XKR4: variants seen among roughly 807,000 people sequenced by gnomAD.
The protein encoded by XKR4 is XK related 4.
XKR4 carries 12 observed loss-of-function variants against 53.9 expected under a neutral mutation model. The ratio of observed to expected loss-of-function variants is 0.22; its 90% CI spans 0.14 to 0.36. XKR4 has a LOEUF of 0.36. Ranked by LOEUF, XKR4 falls within the 10% of genes least tolerant of loss-of-function variation. XKR4 has a pLI of 1.00. For synonymous variants in XKR4, 354 were observed against 362.4 expected (o/e 0.98, Z 0.26); for missense variants, 799 against 859.5 (o/e 0.93, Z 0.88).
intron 1 of XKR4, among the ~76,000 whole-genome samples, chr8:55,203,014 T>G (rs1817596428): frequency 1.3e-5 from 2 of 152,184 alleles, no homozygotes; most frequent in Non-Finnish European, 2.9e-5. Context: ...AGGAGACTGC[T>G]TCACTGAGTG....
chr8:55,220,229 G>A (rs551577400), intron 1 of XKR4, among the ~76,000 whole-genome samples: 1 of 151,982 alleles, frequency 6.6e-6, no homozygotes, highest in Non-Finnish European at 1.5e-5. Flanking sequence ...TTTTTTAAAT[G>A]TATGATAGCA....
chr8:55,456,114 A>G (rs1805565809), intron 2 of XKR4, among the ~76,000 whole-genome samples: 1 of 152,146 alleles, frequency 6.6e-6, no homozygotes, highest in African/African-American at 2.4e-5. Flanking sequence ...CATACTCAGG[A>G]AAAAAAGGAA....
At chr8:55,338,275 A>G (rs1208208713) in intron 1 of XKR4, among the ~76,000 whole-genome samples, 1 of 152,224 alleles carries the variant, frequency 6.6e-6, no homozygotes. Context: ...TGAGAAAAAT[A>G]AAGTTATTGA....
chr8:55,102,933 C>T lies in XKR4; in HGVS notation c.445C>T (p.Leu149Phe). The T allele has an allele frequency of 6.2e-7, 1 of 1,611,746 alleles. No individual in the cohort carries two copies. The change falls in exon 1 of 3, where the codon CTC (leucine) becomes TTC (phenylalanine). Residue 149 changes from leucine to phenylalanine, a missense_variant. Leu to Phe is a conservative substitution (Grantham distance 22, BLOSUM62 0). Coordinates refer to ENST00000327381, the MANE Select transcript of XKR4 (RefSeq NM_052898.2). This position sits in a 1 kb window ranked among gnomAD's most constrained non-coding sequence, Gnocchi z 5.1. Reference protein sequence around the residue: ...RGQRWWFGLTLFFVVLGSLSV... With the variant: ...RGQRWWFGLTFFFVVLGSLSV... The stretch of plus-strand genomic sequence containing the variant: ...CCAGCGCTGGTGGTTCGGGCTCACG[C>T]TCTTCTTCGTGGTGCTCGGCTCTCT...
intron 1 of XKR4, among the ~76,000 whole-genome samples, chr8:55,127,164 A>G (rs925099254): frequency 6.6e-6 from 1 of 152,140 alleles, no homozygotes; most frequent in Admixed American, 6.6e-5. Context: ...TGAGCCAGCT[A>G]AAATGCCCCC....
intron 1 of XKR4, among the ~76,000 whole-genome samples, chr8:55,232,568 A>G (rs972064460): frequency 6.6e-6 from 1 of 152,188 alleles, no homozygotes; most frequent in Non-Finnish European, 1.5e-5. Flanking sequence ...AATTTTTTAA[A>G]TTTTTATGAA....
At chr8:55,240,372 T>G (rs1484519348) in intron 1 of XKR4, among the ~76,000 whole-genome samples, 1 of 152,210 alleles carries the variant, frequency 6.6e-6, no homozygotes, top group African/African-American at 2.4e-5. Flanking sequence ...ATAGTCCATG[T>G]GTTTTTAAAA....
At chr8:55,239,663 C>T (rs913042943) in intron 1 of XKR4, among the ~76,000 whole-genome samples, 7 of 152,162 alleles carry the variant, frequency 4.6e-5, no homozygotes, top group Non-Finnish European at 1.5e-5. Context: ...GAGGTGTTCC[C>T]ATTCACTCCC....
At chr8:55,224,433 G>A (rs1312479285) in intron 1 of XKR4, among the ~76,000 whole-genome samples, 1 of 152,152 alleles carries the variant, frequency 6.6e-6, no homozygotes, top group Admixed American at 6.5e-5. Context: ...TGGCTCTTGT[G>A]TAGTCTACAG....
chr8:55,446,558 A>T (rs1335171425), intron 2 of XKR4, among the ~76,000 whole-genome samples: 1 of 152,122 alleles, frequency 6.6e-6, no homozygotes, highest in Non-Finnish European at 1.5e-5. Flanking sequence ...CATGTTGCCC[A>T]GGCTGGTCTT....
chr8:55,275,804 A>G (rs1245492813), intron 1 of XKR4, among the ~76,000 whole-genome samples: 2 of 152,204 alleles, frequency 1.3e-5, no homozygotes, highest in Non-Finnish European at 1.5e-5. Flanking sequence ...GTCACCTGGA[A>G]TAAGTGTTGA....
Position 55,269,455 on chromosome 8 carries a change from G to T in XKR4, c.807-88223G>T, listed in dbSNP as rs572405838. On this transcript the variant is annotated intron_variant, in intron 1 of 2. Coordinates refer to ENST00000327381, the MANE Select transcript of XKR4 (RefSeq NM_052898.2). ...TGAAATTGTTAATATGGTTCAGAAAGACTTCAATTTTTGGTTCCATGATAA... is the reference window on the plus strand; with the variant it reads ...TGAAATTGTTAATATGGTTCAGAAATACTTCAATTTTTGGTTCCATGATAA... Among the ~76,000 whole-genome samples, 17 of 152,222 alleles carry T rather than the reference G, an allele frequency of 1.1e-4. No individual in the cohort carries two copies. The South Asian group carries it at 3.3e-3, about 30-fold the overall frequency.
chr8:55,114,773 A>C (rs1211608484), intron 1 of XKR4, among the ~76,000 whole-genome samples: 1 of 152,202 alleles, frequency 6.6e-6, no homozygotes, highest in Non-Finnish European at 1.5e-5. Flanking sequence ...CTCATGAGCA[A>C]CTCATCTGCT....
intron 2 of XKR4, among the ~76,000 whole-genome samples, chr8:55,383,818 G>A (rs1047415794): frequency 2.6e-5 from 4 of 152,072 alleles, no homozygotes; most frequent in African/African-American, 9.7e-5. Flanking sequence ...AAAATAACTT[G>A]TCTAAGGTTA....
chr8:55,146,202 A>G (rs1024194075), intron 1 of XKR4, among the ~76,000 whole-genome samples: 3 of 152,190 alleles, frequency 2.0e-5, no homozygotes. Flanking sequence ...CTTTAAAATC[A>G]AGCTTGAAAT....
chr8:55,250,395 G>T (rs1257590179), intron 1 of XKR4, among the ~76,000 whole-genome samples: 2 of 152,152 alleles, frequency 1.3e-5, no homozygotes, highest in African/African-American at 4.8e-5. Flanking sequence ...GTCATACAGT[G>T]CTCCTTTGAT....
intron 1 of XKR4, among the ~76,000 whole-genome samples, chr8:55,181,315 C>T (rs550893802): frequency 7.9e-5 from 12 of 152,236 alleles, no homozygotes; most frequent in Admixed American, 5.9e-4. Context: ...CTCCTTGCAT[C>T]CCACAGGTGT....
chr8:55,513,638 T>G (rs16921951), intron 2 of XKR4, among the ~76,000 whole-genome samples: 11,920 of 152,238 alleles, frequency 0.078, 1,069 homozygotes, highest in East Asian at 0.28. Flanking sequence ...TTCATGTCCA[T>G]ACTCCACCTT....
At chr8:55,462,646 G>A (rs1469999898) in intron 2 of XKR4, among the ~76,000 whole-genome samples, 1 of 152,120 alleles carries the variant, frequency 6.6e-6, no homozygotes, top group African/African-American at 2.4e-5. Context: ...AATGTAAATG[G>A]GCTAAATGCT....
Sources: allele counts gnomAD v4.1 joint callset (sites outside exome capture counted in the v4.1 genomes callset), GRCh38; gene constraint gnomAD v4.1.1; non-coding constraint Gnocchi (gnomAD v3.1); transcripts MANE v1.5; gene names NCBI Gene and HGNC (gene_info 2026-07-23, HGNC 2026-07-21).